ADAMTSL1: variants seen among roughly 807,000 people sequenced by gnomAD.
ADAMTSL1 encodes the protein ADAMTS like 1.
Under a neutral mutation model 201.8 loss-of-function variants are expected in ADAMTSL1, and 126 were observed. The observed-to-expected ratio is 0.62, with a 90% CI of 0.54 to 0.72. ADAMTSL1 has a LOEUF of 0.72. ADAMTSL1 is among the 30% of genes least tolerant of loss of function. The pLI is 0.00. For missense variants in ADAMTSL1, 2,679 were observed against 2,277.8 expected (o/e 1.18, Z -3.59); for synonymous variants, 1,121 against 903.4 (o/e 1.24, Z -4.32).
chr9:18,804,563 C>A (rs1822990526), intron 20 of ADAMTSL1, among the ~76,000 whole-genome samples: 1 of 152,136 alleles, frequency 6.6e-6, no homozygotes, highest in African/African-American at 2.4e-5. Flanking sequence ...GTAGTGAGAT[C>A]CAGAAAAGCT....
intron 1 of ADAMTSL1, among the ~76,000 whole-genome samples, chr9:17,930,869 TG>T (rs1304119903): frequency 1.5e-4 from 23 of 152,320 alleles, no homozygotes; most frequent in African/African-American, 5.5e-4. Context: ...CTTGTGTAGC[TG>T]TATTCATAAT....
chr9:18,649,135 A>G (rs574155831), intron 7 of ADAMTSL1, among the ~76,000 whole-genome samples: 5 of 151,908 alleles, frequency 3.3e-5, no homozygotes, highest in Non-Finnish European at 7.4e-5. Flanking sequence ...CATTTCATTC[A>G]TTTCATCTTC....
intron 4 of ADAMTSL1, among the ~76,000 whole-genome samples, chr9:18,591,350 T>A (rs1374311721): frequency 6.6e-6 from 1 of 152,220 alleles, no homozygotes; most frequent in Admixed American, 6.5e-5. Flanking sequence ...TGCTCTTTTT[T>A]GGTTTCTATT....
intron 23 of ADAMTSL1, among the ~76,000 whole-genome samples, chr9:18,840,628 G>A (rs1825656287): frequency 6.6e-6 from 1 of 152,188 alleles, no homozygotes; most frequent in Admixed American, 6.5e-5. Flanking sequence ...ACCTTTGGCA[G>A]TATGGACATT....
At chr9:18,181,893 T>C (rs941683880) in intron 2 of ADAMTSL1, among the ~76,000 whole-genome samples, 2 of 152,086 alleles carry the variant, frequency 1.3e-5, no homozygotes, top group South Asian at 2.1e-4. Context: ...AACCCAAATG[T>C]CCAACAAAGA....
chr9:18,645,823 G>C (rs1255702957), intron 7 of ADAMTSL1, among the ~76,000 whole-genome samples: 1 of 134,444 alleles, frequency 7.4e-6, no homozygotes, highest in Non-Finnish European at 1.6e-5. Context: ...CAGGTAGTGT[G>C]ATGCCTCCAG....
chr9:18,408,982 A>G (rs1818316942), intron 2 of ADAMTSL1, among the ~76,000 whole-genome samples: 1 of 152,154 alleles, frequency 6.6e-6, no homozygotes, highest in African/African-American at 2.4e-5. Context: ...ACTTTGATAC[A>G]CCTGAAGATT....
chr9:18,304,288 C>T (rs1395234892), intron 2 of ADAMTSL1, among the ~76,000 whole-genome samples: 2 of 152,006 alleles, frequency 1.3e-5, no homozygotes, highest in African/African-American at 2.4e-5. Flanking sequence ...ACTTCTTTCA[C>T]TCCTGCCCCT....
Position 18,905,885 on chromosome 9 carries a change from TTCC to T in ADAMTSL1, c.4956_4958del (p.Pro1653del). 6.2e-7 allele frequency: 1 copy of T among 1,609,044 alleles called. No individual in the cohort carries two copies. Among genetic ancestry groups the T allele is most frequent in the Non-Finnish European group, 8.5e-7 (1 of 1,177,180 alleles). On this transcript the variant is annotated inframe_deletion, in exon 27 of 29. Coordinates refer to ENST00000380548, the MANE Select transcript of ADAMTSL1 (RefSeq NM_001040272.6). ...TTACCATCAGAGCAGTGCAGTGCTC[TTCC>T]GAGGTAAGAGAAAGCCCTGAATCTC...
chr9:18,445,594 G>T (rs970466381), intron 2 of ADAMTSL1, among the ~76,000 whole-genome samples: 2 of 151,934 alleles, frequency 1.3e-5, no homozygotes, highest in Non-Finnish European at 2.9e-5. Flanking sequence ...AAAATATTGT[G>T]ATAAACAAAG....
chr9:18,135,965 T>C (rs1365742647), intron 1 of ADAMTSL1, among the ~76,000 whole-genome samples: 1 of 152,178 alleles, frequency 6.6e-6, no homozygotes, highest in African/African-American at 2.4e-5. Flanking sequence ...TCATTTAAGA[T>C]GAGGAATCCA....
At chr9:18,580,053 G>A (rs920880761) in intron 4 of ADAMTSL1, among the ~76,000 whole-genome samples, 8 of 152,024 alleles carry the variant, frequency 5.3e-5, no homozygotes, top group Admixed American at 2.6e-4. Context: ...TATGTCAAAA[G>A]AAAAAGTATG....
intron 14 of ADAMTSL1, 81 bp downstream of exon 14, chr9:18,707,129 T>G (rs1832279295): frequency 6.0e-6 from 9 of 1,492,882 alleles, no homozygotes; most frequent in African/African-American, 1.4e-5. Flanking sequence ...ATCATGTGAC[T>G]GCCTCAAATC....
chr9:18,361,377 C>T (rs1333844109), intron 2 of ADAMTSL1, among the ~76,000 whole-genome samples: 2 of 152,120 alleles, frequency 1.3e-5, no homozygotes, highest in East Asian at 1.9e-4. Flanking sequence ...GGTATATTCT[C>T]GATTTTCAAC....
In ADAMTSL1 at chr9:17,946,158, A is replaced by C. The variant is rs112173396; in HGVS notation, c.87+39236A>C. 6.9e-3 allele frequency among the ~76,000 whole-genome samples: 1,015 copies of C among 147,962 alleles called. 9 individuals carry two copies. Among genetic ancestry groups the C allele is most frequent in the African/African-American group, 0.024 (952 of 40,286 alleles). On this transcript the variant is annotated intron_variant, in intron 1 of 29. Coordinates refer to the ADAMTSL1 transcript ENST00000680146. ...AGCATCTCTCATGACCACCATGCCC[A>C]GCTATTTTTTTTTTTATTTTGAGTA... is the stretch of plus-strand genomic sequence containing the variant.
chr9:18,304,547 CATAT>C lies in ADAMTSL1; in HGVS notation c.207+140570_207+140573del, dbSNP rs540569545. Reference sequence around the variant, plus strand: ...TTTCTCAAAAACTCACACTTAAAAACATATATAAGCGTGTTATTTACCTACACTG... The same window carrying C: ...TTTCTCAAAAACTCACACTTAAAAACATAAGCGTGTTATTTACCTACACTG... On this transcript the variant is annotated intron_variant, in intron 2 of 29. Coordinates refer to the ADAMTSL1 transcript ENST00000680146. Among the ~76,000 whole-genome samples, 16 of 151,980 alleles carry C rather than the reference CATAT, an allele frequency of 1.1e-4. No individual in the cohort carries two copies. The East Asian group carries it at 1.6e-3, about 15-fold the overall frequency.
intron 19 of ADAMTSL1, among the ~76,000 whole-genome samples, chr9:18,789,842 G>T (rs1821921582): frequency 6.6e-6 from 1 of 152,198 alleles, no homozygotes; most frequent in African/African-American, 2.4e-5. Context: ...GTATTGGGAT[G>T]TGGGGCAGAT....
chr9:18,285,283 C>T (rs1342381655), intron 2 of ADAMTSL1, among the ~76,000 whole-genome samples: 1 of 152,010 alleles, frequency 6.6e-6, no homozygotes, highest in East Asian at 1.9e-4. Flanking sequence ...ACTATATTCC[C>T]TGTGCTATGC....
chr9:18,576,617 G>T (rs1042696020), intron 4 of ADAMTSL1, among the ~76,000 whole-genome samples: 4 of 152,196 alleles, frequency 2.6e-5, no homozygotes, highest in Non-Finnish European at 5.9e-5. Context: ...TTTCATAGAA[G>T]AGGAAACTGA....
Sources: gnomAD v4.1 joint callset for allele counts (sites outside exome capture counted in the v4.1 genomes callset) on GRCh38, gnomAD v4.1.1 for gene constraint, MANE v1.5 for transcripts, NCBI Gene and HGNC (gene_info 2026-07-23, HGNC 2026-07-21) for gene names.